Variants in KAZN observed in about 807,000 individuals in gnomAD.
KAZN encodes kazrin, periplakin interacting protein, also known as kazrin.
Under a neutral mutation model 87.4 loss-of-function variants are expected in KAZN, and 40 were observed. That is an observed-to-expected ratio of 0.46 (90% CI 0.36 to 0.60). The LOEUF is 0.60. Ranked by LOEUF, KAZN falls within the 20% of genes least tolerant of loss-of-function variation. The pLI, the probability that KAZN is intolerant of heterozygous loss-of-function variation, is 0.00. For missense variants in KAZN, 898 were observed against 1,073.9 expected (o/e 0.84, Z 2.29); for synonymous variants, 466 against 458.3 (o/e 1.02, Z -0.22).
chr1:15,088,009 G>C (rs1226482724), intron 8 of KAZN, among the ~76,000 whole-genome samples: 1 of 152,220 alleles, frequency 6.6e-6, no homozygotes, highest in African/African-American at 2.4e-5. Flanking sequence ...ACGGAGCTGG[G>C]ATTCAAACCC....
chr1:14,792,282 G>A (rs1370346123), intron 1 of KAZN, among the ~76,000 whole-genome samples: 2 of 152,196 alleles, frequency 1.3e-5, no homozygotes, highest in Non-Finnish European at 2.9e-5. Flanking sequence ...TGTGCAGGGA[G>A]GCAGATAAGA....
chr1:14,573,381 G>T (rs758898204), intron 2 of KAZN, among the ~76,000 whole-genome samples: 32 of 152,154 alleles, frequency 2.1e-4, no homozygotes, highest in Non-Finnish European at 3.4e-4. Flanking sequence ...GGGCACGGTG[G>T]CTTATGCTTG....
At chr1:14,646,124 A>G (rs1274775725) in intron 1 of KAZN, among the ~76,000 whole-genome samples, 1 of 152,152 alleles carries the variant, frequency 6.6e-6, no homozygotes, top group African/African-American at 2.4e-5. Context: ...CTATAAAGGG[A>G]CAGTCCAGGG....
intron 8 of KAZN, among the ~76,000 whole-genome samples, chr1:15,076,687 G>C (rs1241200468): frequency 6.6e-6 from 1 of 152,128 alleles, no homozygotes; most frequent in African/African-American, 2.4e-5. Context: ...CTGTAAAATG[G>C]GCCCCTGGGA....
intron 2 of KAZN, among the ~76,000 whole-genome samples, chr1:14,507,696 G>A (rs187099016): frequency 6.6e-6 from 1 of 152,142 alleles, no homozygotes; most frequent in Admixed American, 6.5e-5. Flanking sequence ...AAAGCCTTGG[G>A]GCAATGAATC....
intron 1 of KAZN, among the ~76,000 whole-genome samples, chr1:13,977,113 A>G (rs1193607979): frequency 1.3e-5 from 2 of 152,242 alleles, no homozygotes; most frequent in African/African-American, 4.8e-5. Context: ...GAGGAGGTAG[A>G]GAGATCCTTA....
At chr1:14,279,982 A>G (rs181266534) in intron 2 of KAZN, among the ~76,000 whole-genome samples, 1 of 152,204 alleles carries the variant, frequency 6.6e-6, no homozygotes, top group East Asian at 1.9e-4. Context: ...TGTCCCCCCA[A>G]AAATCCAGAT....
intron 2 of KAZN, among the ~76,000 whole-genome samples, chr1:14,981,074 T>C (rs1666201212): frequency 6.6e-6 from 1 of 152,104 alleles, no homozygotes; most frequent in Non-Finnish European, 1.5e-5. Context: ...CAGCCTCCTC[T>C]GCAGAACAGC....
chr1:14,182,390 C>T (rs1646216456), intron 2 of KAZN, among the ~76,000 whole-genome samples: 1 of 152,120 alleles, frequency 6.6e-6, no homozygotes, highest in African/African-American at 2.4e-5. Context: ...TCCAAGATTC[C>T]TTGCTTCTGT....
intron 2 of KAZN, among the ~76,000 whole-genome samples, chr1:14,226,505 G>T (rs1033779933): frequency 2.0e-5 from 3 of 152,102 alleles, no homozygotes; most frequent in African/African-American, 7.2e-5. Flanking sequence ...GTTTCTCAGA[G>T]AACTTAAAAT....
At chr1:14,919,691 A>G (rs1253953131) in intron 1 of KAZN, among the ~76,000 whole-genome samples, 1 of 152,250 alleles carries the variant, frequency 6.6e-6, no homozygotes, top group African/African-American at 2.4e-5. Flanking sequence ...AACATCTTCT[A>G]CAAATAGAAA....
At chr1:14,264,399 C>A (rs1250133075) in intron 2 of KAZN, among the ~76,000 whole-genome samples, 1 of 152,148 alleles carries the variant, frequency 6.6e-6, no homozygotes, top group Non-Finnish European at 1.5e-5. Context: ...AAAACTTAAT[C>A]CTCAATGCAA....
intron 5 of KAZN, among the ~76,000 whole-genome samples, chr1:15,059,339 CCT>C (rs1257661491): frequency 6.6e-6 from 1 of 152,166 alleles, no homozygotes; most frequent in African/African-American, 2.4e-5. Context: ...TGACAGTGCC[CCT>C]GATGGGCAAC....
At chr1:14,022,277 C>G (rs1640864373) in intron 1 of KAZN, among the ~76,000 whole-genome samples, 1 of 151,442 alleles carries the variant, frequency 6.6e-6, no homozygotes, top group South Asian at 2.1e-4. Context: ...TATATCTAAT[C>G]TGAGTGGTTT....
intron 1 of KAZN, among the ~76,000 whole-genome samples, chr1:14,835,393 G>A (rs1171671546): frequency 1.3e-5 from 2 of 152,156 alleles, no homozygotes; most frequent in South Asian, 4.1e-4. Context: ...AGTGTTTCTT[G>A]TACCCCGTAG....
intron 8 of KAZN, among the ~76,000 whole-genome samples, chr1:15,074,071 C>T (rs1050698818): frequency 1.3e-5 from 2 of 152,240 alleles, no homozygotes; most frequent in African/African-American, 2.4e-5. Context: ...GTCAAGGACT[C>T]GCTGTGTGAC....
intron 1 of KAZN, among the ~76,000 whole-genome samples, chr1:14,877,344 A>AAAG (rs1652882829): frequency 6.6e-6 from 1 of 152,178 alleles, no homozygotes; most frequent in Non-Finnish European, 1.5e-5. Flanking sequence ...AGTTCCAGAA[A>AAAG]AAGTCTGATT....
intron 1 of KAZN, among the ~76,000 whole-genome samples, chr1:14,706,400 G>A (rs1266902744): frequency 1.3e-5 from 2 of 151,864 alleles, no homozygotes; most frequent in Non-Finnish European, 2.9e-5. Flanking sequence ...GTTGGGGACC[G>A]CTGTTCTGCA....
chr1:14,704,268 CT>C (rs945795079), intron 1 of KAZN, among the ~76,000 whole-genome samples: 1 of 152,202 alleles, frequency 6.6e-6, no homozygotes, highest in Non-Finnish European at 1.5e-5. Flanking sequence ...CATAAGGATC[CT>C]GTTATGCAGG....
Sources: gnomAD v4.1 joint callset for allele counts (sites outside exome capture counted in the v4.1 genomes callset) on GRCh38, gnomAD v4.1.1 for gene constraint, MANE v1.5 for transcripts, NCBI Gene and HGNC (gene_info 2026-07-23, HGNC 2026-07-21) for gene names.